Variants in KLK11 observed in about 807,000 individuals in gnomAD.
KLK11 encodes kallikrein-11.
KLK11 carries 10 observed loss-of-function variants against 23.4 expected under a neutral mutation model. The ratio of observed to expected loss-of-function variants is 0.43; its 90% CI spans 0.26 to 0.73. KLK11 has a LOEUF of 0.73. Ranked by LOEUF, KLK11 falls within the 30% of genes least tolerant of loss-of-function variation. The pLI is 0.22. For synonymous variants in KLK11, 131 were observed against 131.7 expected (o/e 0.99, Z 0.03); for missense variants, 285 against 327.8 (o/e 0.87, Z 1.01).
Position 51,025,652 on chromosome 19 carries a change from G to A in KLK11, c.-21C>T, listed in dbSNP as rs141778830. 172 of 1,578,372 alleles carry A rather than the reference G, an allele frequency of 1.1e-4. No homozygotes were observed. Among genetic ancestry groups the A allele is most frequent in the East Asian group, 2.8e-4 (12 of 42,328 alleles). ...CTCATGGCCTGGAGGGGGGAGGAGC[G>A]GGCCCCAGGTTCCTCTGGGAACAAG... On this transcript the variant is annotated 5_prime_UTR_variant, in exon 2 of 6. Coordinates refer to ENST00000453757, the MANE Select transcript of KLK11 (RefSeq NM_001136032.3). This position sits in a 1 kb window ranked among gnomAD's most constrained non-coding sequence, Gnocchi z 6.2.
Position 51,024,300 on chromosome 19 carries a change from C to A in KLK11, c.208G>T (p.Val70Phe). The part of the protein sequence containing the change: ...AAHCLKPRYI[V>F]HLGQHNLQKE... The stretch of plus-strand genomic sequence containing the variant: ...TGGAGGTTGTGCTGCCCCAGGTGAA[C>A]TATGTAGCGGCTGAGGTGGGAGAGA... Residue 70 changes from valine to phenylalanine, a missense_variant, in exon 4 of 6, where the codon GTT (valine) becomes TTT (phenylalanine). Coordinates refer to ENST00000453757, the MANE Select transcript of KLK11 (RefSeq NM_001136032.3). This position sits in a 1 kb window ranked among gnomAD's most constrained non-coding sequence, Gnocchi z 6.2. 6.2e-7 allele frequency: 1 copy of A among 1,613,822 alleles called. No homozygotes were observed. Among genetic ancestry groups the A allele is most frequent in the Non-Finnish European group, 8.5e-7 (1 of 1,179,922 alleles).
Position 51,025,522 on chromosome 19 carries a change from G to T in KLK11, c.40+70C>A. On this transcript the variant is annotated intron_variant, in intron 2 of 5. Coordinates refer to ENST00000453757, the MANE Select transcript of KLK11 (RefSeq NM_001136032.3). This position sits in a 1 kb window ranked among gnomAD's most constrained non-coding sequence, Gnocchi z 6.2. ...TTGGAATCAGCCCTGTCACTGTCCA[G>T]ACACAGAGGGTTAGGGGATCCCAGA... The T allele has an allele frequency of 9.2e-7, 1 of 1,088,098 alleles. No individual in the cohort carries two copies. Among genetic ancestry groups the T allele is most frequent in the Non-Finnish European group, 1.3e-6 (1 of 766,640 alleles). The allele number at this position is 1,088,098 out of a possible 1,614,324, so 67.4% of individuals were successfully genotyped here. A position where few individuals can be genotyped will look rare whatever the true frequency, so the allele number is the denominator to read the frequency against.
Position 51,025,590 on chromosome 19 carries a change from A to G in KLK11, c.40+2T>C. 1 of 1,573,422 alleles carries G rather than the reference A, an allele frequency of 6.4e-7. No homozygotes were observed. Among genetic ancestry groups the G allele is most frequent in the Non-Finnish European group, 8.6e-7 (1 of 1,157,910 alleles). ...CCTGCCCTGCCCCCATCCCCTGCGT[A>G]CCTGTTGCCAGAGCAAGCAGGATTA... On this transcript the variant is annotated splice_donor_variant, in intron 2 of 5. Transcript: ENST00000453757. LOFTEE classifies it high-confidence loss of function. The surrounding 1 kb of genome is among the most constrained non-coding windows in gnomAD (Gnocchi z 6.2).
chr19:51,024,327 A>C lies in KLK11; in HGVS notation c.198-17T>G. 1 of 1,611,208 alleles carries C rather than the reference A, an allele frequency of 6.2e-7. No homozygotes were observed. The highest frequency in any genetic ancestry group is 8.5e-7 in the Non-Finnish European group (1 of 1,179,000). ...ATGTAGCGGCTGAGGTGGGAGAGAC[A>C]GTAGTTGGAGGAGGAAAGGTCGGGG... On this transcript the variant is annotated splice_polypyrimidine_tract_variant and intron_variant, in intron 3 of 5. Coordinates refer to ENST00000453757, the MANE Select transcript of KLK11 (RefSeq NM_001136032.3). The surrounding 1 kb of genome is among the most constrained non-coding windows in gnomAD (Gnocchi z 6.2).
At position 51,025,827 on chromosome 19, in the gene KLK11, A is replaced by C; in HGVS notation, c.-35-161T>G. ...TGTTTCTCACAGCACTCAGATCTCC[A>C]AACACTTAAAATATATCTTAGGTGT... On this transcript the variant is annotated intron_variant, in intron 1 of 5. Transcript: ENST00000453757. This position sits in a 1 kb window ranked among gnomAD's most constrained non-coding sequence, Gnocchi z 6.2. 2.0e-6 allele frequency: 1 copy of C among 503,150 alleles called. No individual in the cohort carries two copies. The highest frequency in any genetic ancestry group is 3.5e-6 in the Non-Finnish European group (1 of 282,000). 31.2% of individuals were successfully genotyped at this position (503,150 alleles called of 1,614,324 possible). A position where few individuals can be genotyped will look rare whatever the true frequency, so the allele number is the denominator to read the frequency against.
chr19:51,023,296 G>A (rs2091430447), intron 4 of KLK11, 68 bp from the exon 5 acceptor site: 1 of 1,558,870 alleles, frequency 6.4e-7, no homozygotes, highest in South Asian at 1.2e-5. Flanking sequence ...AGTGCTTGCT[G>A]TGATCCCGCC....
intron 1 of KLK11, among the ~76,000 whole-genome samples, chr19:51,026,311 G>T (rs758090350): frequency 6.6e-6 from 1 of 151,934 alleles, no homozygotes; most frequent in Non-Finnish European, 1.5e-5. Flanking sequence ...GGCCAGCGGG[G>T]GTGGGAGCAG....
chr19:51,026,381 A>G (rs1271389549), intron 1 of KLK11, among the ~76,000 whole-genome samples, 157 bp downstream of exon 1: 1 of 151,906 alleles, frequency 6.6e-6, no homozygotes, highest in Admixed American at 6.6e-5. Context: ...GCGGACAGCC[A>G]TCGGAGGTGA....
At position 51,024,856 on chromosome 19, in the gene KLK11, C is replaced by G; in HGVS notation, c.41-62G>C. The stretch of plus-strand genomic sequence containing the variant: ...GGAGAGGTGGTAGACCAGGAGGACT[C>G]CCAGAAATGGGGGTGGGGAGGAGAG... On this transcript the variant is annotated intron_variant, in intron 2 of 5. Transcript: ENST00000453757. The surrounding 1 kb of genome is among the most constrained non-coding windows in gnomAD (Gnocchi z 6.2). 1.4e-6 allele frequency: 2 copies of G among 1,434,690 alleles called. No individual in the cohort carries two copies. The highest frequency in any genetic ancestry group is 1.8e-6 in the Non-Finnish European group (2 of 1,082,644). 88.9% of individuals were successfully genotyped at this position (1,434,690 alleles called of 1,614,324 possible). A position where few individuals can be genotyped will look rare whatever the true frequency, so the allele number is the denominator to read the frequency against.
rs2122546237 is a variant in KLK11 at position 51,024,802 on chromosome 19, G to A, written c.41-8C>T. 6.4e-7 allele frequency: 1 copy of A among 1,555,678 alleles called. No individual in the cohort carries two copies. The highest frequency in any genetic ancestry group is 8.6e-7 in the Non-Finnish European group (1 of 1,158,936). ...TCTCTCCCCCTACAAGCCCTGGAGG[G>A]GGTGAGAGCAAAAGAAGGGGCTCAG... On this transcript the variant is annotated splice_region_variant and splice_polypyrimidine_tract_variant and intron_variant, in intron 2 of 5. Transcript: ENST00000453757. The surrounding 1 kb of genome is among the most constrained non-coding windows in gnomAD (Gnocchi z 6.2).
In KLK11 at chr19:51,024,565, C is replaced by T. The variant is rs371728287; in HGVS notation, c.197+73G>A. 8,970 of 1,413,758 alleles carry T rather than the reference C, an allele frequency of 6.3e-3. 45 individuals carry two copies. The highest frequency in any genetic ancestry group is 0.013 in the Middle Eastern group (50 of 3,898). The allele number at this position is 1,413,758 out of a possible 1,614,324, so 87.6% of individuals were successfully genotyped here. A position where few individuals can be genotyped will look rare whatever the true frequency, so the allele number is the denominator to read the frequency against. ...CTAATCCCCTTACCAGCACCCCTATCCCTGAGCTTCTCTCCATCCATCTCC... is the reference window on the plus strand; with the variant it reads ...CTAATCCCCTTACCAGCACCCCTATTCCTGAGCTTCTCTCCATCCATCTCC... On this transcript the variant is annotated intron_variant, in intron 3 of 5. Coordinates refer to ENST00000453757, the MANE Select transcript of KLK11 (RefSeq NM_001136032.3). The surrounding 1 kb of genome is among the most constrained non-coding windows in gnomAD (Gnocchi z 6.2).
At position 51,025,003 on chromosome 19, in the gene KLK11, A is replaced by G. The variant is rs968378830; in HGVS notation, c.41-209T>C. Among the ~76,000 whole-genome samples, 5 of 152,128 alleles carry G rather than the reference A, an allele frequency of 3.3e-5. No homozygotes were observed. The highest frequency in any genetic ancestry group is 7.4e-5 in the Non-Finnish European group (5 of 68,018). ...TCAAATGCAGTGGCTCATGCCTGTA[A>G]TCCCAGCACTTTGAGAGGCTAAGGT... On this transcript the variant is annotated intron_variant, in intron 2 of 5. Transcript: ENST00000453757. The surrounding 1 kb of genome is among the most constrained non-coding windows in gnomAD (Gnocchi z 6.2).
At position 51,022,270 on chromosome 19, in the gene KLK11, T is replaced by C. The variant is rs993357300; in HGVS notation, c.*275A>G. 1 of 488,638 alleles carries C rather than the reference T, an allele frequency of 2.0e-6. No homozygotes were observed. The highest frequency in any genetic ancestry group is 3.9e-5 in the East Asian group (1 of 25,718). The allele number at this position is 488,638 out of a possible 1,614,324, so 30.3% of individuals were successfully genotyped here. A position where few individuals can be genotyped will look rare whatever the true frequency, so the allele number is the denominator to read the frequency against. On this transcript the variant is annotated 3_prime_UTR_variant, in exon 6 of 6. Coordinates refer to ENST00000453757, the MANE Select transcript of KLK11 (RefSeq NM_001136032.3). ...AAATATTTATTGAAACCTTGATATA[T>C]GGCCAGGAGCTGTCTTTGGGGCTGG...
rs1433138884 is a variant in KLK11 at position 51,024,146 on chromosome 19, G to A, written c.362C>T (p.Ser121Phe). Residue 121 changes from serine to phenylalanine, a missense_variant, in exon 4 of 6, where the codon TCC becomes TTC. Coordinates refer to ENST00000453757, the MANE Select transcript of KLK11 (RefSeq NM_001136032.3). The surrounding 1 kb of genome is among the most constrained non-coding windows in gnomAD (Gnocchi z 6.2). ...IMLVKMASPV[S>F]ITWAVRPLTL... ...GAGGGGTCGCACAGCCCAGGTGATG[G>A]AGACTGGCGATGCCATCTTCACCAG... 6.2e-7 allele frequency: 1 copy of A among 1,612,354 alleles called. No individual in the cohort carries two copies. Among genetic ancestry groups the A allele is most frequent in the Non-Finnish European group, 8.5e-7 (1 of 1,178,788 alleles).
chr19:51,027,654 G>T, upstream of KLK11: 1 of 911,664 alleles, frequency 1.1e-6, no homozygotes, highest in Non-Finnish European at 1.7e-6. Flanking sequence ...TCTGACAGCA[G>T]CCAGCCCTGG....
At chr19:51,023,587 G>A (rs1018620690) in intron 4 of KLK11, 22 of 224,524 alleles carry the variant, frequency 9.8e-5, no homozygotes, top group Non-Finnish European at 1.3e-4. Context: ...ATTTCACCAC[G>A]TTGGCCAGGC....
chr19:51,022,587 G>T lies in KLK11; in HGVS notation c.711C>A (p.Cys237Ter), dbSNP rs1177368335. ...TCTCCTGGATCCAGTCCACATATTT[G>T]CAGACTTTCGTGTAGACACCAGGCT... ...TRKPGVYTKVCKYVDWIQETM... is the reference protein window; with the variant it reads ...TRKPGVYTKV The change falls in exon 6 of 6, where the codon TGC becomes TGA. Residue 237 changes from cysteine to a stop codon, truncating the protein, a stop_gained. Transcript: ENST00000453757. LOFTEE classifies it high-confidence loss of function. 1 of 1,614,104 alleles carries T rather than the reference G, an allele frequency of 6.2e-7. No individual in the cohort carries two copies. The highest frequency in any genetic ancestry group is 8.5e-7 in the Non-Finnish European group (1 of 1,180,038).
upstream of KLK11, chr19:51,027,114 T>G (rs1600158467): frequency 3.8e-6 from 1 of 261,330 alleles, no homozygotes; most frequent in Non-Finnish European, 7.3e-6. Flanking sequence ...TCTTCTTCCA[T>G]CTAATCTCCG....
In KLK11 at chr19:51,025,361, C is replaced by T. The variant is rs62117660; in HGVS notation, c.40+231G>A. ...GTGACTGCTCCCCCAACTCCAGCTTCCTCAGCCCCTCCACGGGACCCTTTA... is the reference window on the plus strand; with the variant it reads ...GTGACTGCTCCCCCAACTCCAGCTTTCTCAGCCCCTCCACGGGACCCTTTA... On this transcript the variant is annotated intron_variant, in intron 2 of 5. Transcript: ENST00000453757. The surrounding 1 kb of genome is among the most constrained non-coding windows in gnomAD (Gnocchi z 6.2). 1.3e-5 allele frequency among the ~76,000 whole-genome samples: 2 copies of T among 152,186 alleles called. No individual in the cohort carries two copies. Among genetic ancestry groups the T allele is most frequent in the African/African-American group, 2.4e-5 (1 of 41,446 alleles).
Sources: gnomAD v4.1 joint callset for allele counts (sites outside exome capture counted in the v4.1 genomes callset) on GRCh38, gnomAD v4.1.1 for gene constraint, Gnocchi (gnomAD v3.1) non-coding constraint, MANE v1.5 for transcripts, NCBI Gene and HGNC (gene_info 2026-07-23, HGNC 2026-07-21) for gene names.